Variants in DNAH12 observed in about 807,000 individuals in gnomAD.
DNAH12 encodes axonemal beta dynein heavy chain 12.
A neutral mutation model predicts 371.5 loss-of-function variants in DNAH12; 285 were observed. The observed-to-expected ratio is 0.77, with a 90% CI of 0.70 to 0.85. The LOEUF (loss-of-function observed/expected upper bound fraction) is 0.85. Among genes scored for constraint, DNAH12 ranks in the 40% least tolerant of loss-of-function variants. The probability of loss-of-function intolerance (pLI) is 0.00; values close to 1 mark genes in which losing one functional copy is unlikely to be tolerated. For synonymous variants in DNAH12, 1,200 were observed against 1,213.0 expected, an observed-to-expected ratio of 0.99 and a Z score of 0.22; for missense variants, 3,611 against 3,689.4, an observed-to-expected ratio of 0.98 and a Z score of 0.55.
chr3:57,403,190 G>A (rs1211735754), intron 43 of DNAH12, 119 bp downstream of exon 43: 1 of 1,033,474 alleles, frequency 9.7e-7, no homozygotes, highest in Non-Finnish European at 1.4e-6. Flanking sequence ...TCTATGGACA[G>A]TATTAGCATC....
Position 57,433,751 on chromosome 3 carries a change from T to C in DNAH12, c.4733A>G (p.Asn1578Ser), listed in dbSNP as rs762176999. 2.3e-5 allele frequency: 35 copies of C among 1,551,324 alleles called. No homozygotes were observed. Among genetic ancestry groups the C allele is most frequent in the Middle Eastern group, 1.7e-4 (1 of 6,012 alleles). The change falls in exon 31 of 74, where the codon AAT becomes AGT. Residue 1578 changes from asparagine (N) to serine (S), a missense_variant. Asn to Ser is a conservative substitution (Grantham distance 46, BLOSUM62 1). Coordinates refer to ENST00000495027, the MANE Select transcript of DNAH12 (RefSeq NM_001366028.2). ...TTCTTCCTCTCCATAGCCATGTTCATTCATTAAAGTTAGCGTATCCGCCAG... is the reference window on the plus strand; with the variant it reads ...TTCTTCCTCTCCATAGCCATGTTCACTCATTAAAGTTAGCGTATCCGCCAG... ...HVLADTLTLM[N>S]EHGYGEEEKV... is the part of the protein sequence containing the mutation.
At chr3:57,394,748 T>G (rs2063701645) in intron 43 of DNAH12, among the ~76,000 whole-genome samples, 1 of 152,202 alleles carries the variant, frequency 6.6e-6, no homozygotes, top group Non-Finnish European at 1.5e-5. Context: ...GGAGGAGAGT[T>G]GTGTCAGGAG....
At chr3:57,465,406 A>C (rs908369335) in intron 17 of DNAH12, among the ~76,000 whole-genome samples, 4 of 152,206 alleles carry the variant, frequency 2.6e-5, no homozygotes, top group African/African-American at 9.6e-5. Context: ...AAAACTTCCC[A>C]ATTTGTTTTA....
intron 66 of DNAH12, among the ~76,000 whole-genome samples, chr3:57,314,034 A>G (rs1047377737): frequency 1.1e-4 from 16 of 152,148 alleles, no homozygotes; most frequent in African/African-American, 3.9e-4. Flanking sequence ...GCTACCCAAT[A>G]TCCTTTCAAT....
intron 2 of DNAH12, among the ~76,000 whole-genome samples, chr3:57,524,436 G>A (rs1249280789): frequency 6.6e-6 from 1 of 151,958 alleles, no homozygotes; most frequent in Non-Finnish European, 1.5e-5. Flanking sequence ...GCATTCATAA[G>A]ATATAATTTT....
rs768404902 is a variant in DNAH12 at position 57,468,838 on chromosome 3, T to A, written c.2247A>T (p.Ala749=). ...TCTCTTCTTCCAAAGACCGTTTTCT[T>A]GCTGCCTTTCTTTTTTCTTGTAATT... is the stretch of plus-strand genomic sequence containing the variant. The part of the protein sequence containing the change: ...KKELQEKRKA[A]RKRSLEEEKI... The change falls in exon 17 of 74, where the codon GCA becomes GCT. Residue 749 remains alanine (A), a synonymous_variant. Transcript: ENST00000495027. 3.3e-6 allele frequency: 5 copies of A among 1,530,856 alleles called. No homozygotes were observed. Among genetic ancestry groups the A allele is most frequent in the Non-Finnish European group, 4.4e-6 (5 of 1,142,284 alleles). The allele number at this position is 1,530,856 out of a possible 1,614,324, so 94.8% of individuals were successfully genotyped here.
At chr3:57,477,934 C>G (rs2066594481) in intron 13 of DNAH12, among the ~76,000 whole-genome samples, 1 of 152,124 alleles carries the variant, frequency 6.6e-6, no homozygotes, top group Admixed American at 6.6e-5. Context: ...ACGTCACCAT[C>G]ATCAAAGACC....
chr3:57,325,661 C>T (rs894919004), intron 62 of DNAH12, among the ~76,000 whole-genome samples: 4 of 152,198 alleles, frequency 2.6e-5, no homozygotes, highest in Admixed American at 6.5e-5. Flanking sequence ...AAAAGCAGAG[C>T]ACCTCTCCTC....
chr3:57,503,497 T>A (rs1428231169), intron 9 of DNAH12, among the ~76,000 whole-genome samples: 1 of 151,946 alleles, frequency 6.6e-6, no homozygotes, highest in Non-Finnish European at 1.5e-5. Flanking sequence ...CAAGGGGTTT[T>A]CCTGCCTCAA....
chr3:57,541,532 ATT>A (rs1418705624), intron 2 of DNAH12, among the ~76,000 whole-genome samples: 1 of 143,674 alleles, frequency 7.0e-6, no homozygotes, highest in Non-Finnish European at 1.5e-5. Flanking sequence ...CACCTGGCTA[ATT>A]TTTTTTTTTT....
At chr3:57,555,870 A>G in the DNAH12 span, among the ~76,000 whole-genome samples, 1 of 152,238 alleles carries the variant, frequency 6.6e-6, no homozygotes, top group African/African-American at 2.4e-5. Context: ...AAAGCTGTGG[A>G]GATGAAATGG....
chr3:57,426,029 A>T (rs1190209699), intron 34 of DNAH12, among the ~76,000 whole-genome samples: 2 of 152,148 alleles, frequency 1.3e-5, no homozygotes, highest in Admixed American at 1.3e-4. Flanking sequence ...TACACCAAAG[A>T]GGGCTTCCTG....
Position 57,345,943 on chromosome 3 carries a change from ATATT to A in DNAH12, c.9674+6138_9674+6141del, listed in dbSNP as rs1231621340. Among the ~76,000 whole-genome samples the A allele has an allele frequency of 3.3e-5, 5 of 152,230 alleles. No homozygotes were observed. The South Asian group carries it at 8.3e-4, about 25-fold the overall frequency. Reference sequence around the variant, plus strand: ...ACAAATCTTCAGAAATTTTTCCAGTATATTTATTTTTTAAAAATCTGTGTATAAG... The same window carrying A: ...ACAAATCTTCAGAAATTTTTCCAGTATATTTTTTAAAAATCTGTGTATAAG... On this transcript the variant is annotated intron_variant, in intron 60 of 73. Coordinates refer to ENST00000495027, the MANE Select transcript of DNAH12 (RefSeq NM_001366028.2).
At chr3:57,383,333 C>T (rs2063434101) in intron 49 of DNAH12, among the ~76,000 whole-genome samples, 2 of 152,196 alleles carry the variant, frequency 1.3e-5, no homozygotes, top group Middle Eastern at 6.8e-3. Context: ...AGGGTATAAG[C>T]AACAGACTCT....
rs1298778836 is a variant in DNAH12, at chr3:57,302,760, G to C, written c.11190-821C>G. On this transcript the variant is annotated intron_variant, in intron 69 of 73. Transcript: ENST00000495027. Reference sequence around the variant, plus strand: ...CCAGCTAATTTCTGTATTTTTAGTAGAGAAGGGGTTTCACCATGTTGGCCA... The same window carrying C: ...CCAGCTAATTTCTGTATTTTTAGTACAGAAGGGGTTTCACCATGTTGGCCA... Among the ~76,000 whole-genome samples, 4 of 148,616 alleles carry C rather than the reference G, an allele frequency of 2.7e-5. No individual in the cohort carries two copies. In the East Asian group the frequency reaches 8.4e-4, roughly 31 times the overall value.
At chr3:57,333,329 C>CTT (rs34135477) in intron 62 of DNAH12, among the ~76,000 whole-genome samples, 25,185 of 110,802 alleles carry the variant, frequency 0.23, 3,442 homozygotes, top group South Asian at 0.39. Context: ...TTTAAGGCAA[C>CTT]TTTTTTTTTT....
intron 11 of DNAH12, among the ~76,000 whole-genome samples, chr3:57,499,648 A>AAAAAAAAAAAAAAATG: frequency 4.7e-4 from 10 of 21,298 alleles, no homozygotes; most frequent in Non-Finnish European, 9.3e-4. Flanking sequence ...AAAAAAAAAA[A>AAAAAAAAAAAAAAATG]TATATATATA....
intron 43 of DNAH12, among the ~76,000 whole-genome samples, chr3:57,395,774 G>A (rs1252938293): frequency 4.6e-5 from 7 of 151,216 alleles, no homozygotes; most frequent in South Asian, 2.1e-4. Context: ...ATGAGAGCCT[G>A]TCTCTAAAAA....
intron 13 of DNAH12, among the ~76,000 whole-genome samples, chr3:57,473,916 T>C (rs1388094064): frequency 6.6e-6 from 1 of 152,108 alleles, no homozygotes; most frequent in Non-Finnish European, 1.5e-5. Context: ...AAATTCAAAG[T>C]CCACTCATAC....
Sources: allele counts gnomAD v4.1 joint callset (sites outside exome capture counted in the v4.1 genomes callset), GRCh38; gene constraint gnomAD v4.1.1; transcripts MANE v1.5; gene names NCBI Gene and HGNC (gene_info 2026-07-23, HGNC 2026-07-21).